Variants in ATXN7 observed in about 807,000 individuals in gnomAD.
ATXN7 encodes ataxin 7.
ATXN7 carries 12 observed loss-of-function variants against 70.5 expected under a neutral mutation model. The observed-to-expected ratio is 0.17, with a 90% CI of 0.11 to 0.28. The LOEUF is 0.28. Among genes scored for constraint, ATXN7 ranks in the 10% least tolerant of loss-of-function variants. ATXN7 has a pLI of 1.00. For synonymous variants in ATXN7, 498 were observed against 448.7 expected, an observed-to-expected ratio of 1.11 and a Z score of -1.39; for missense variants, 1,256 against 1,131.7, an observed-to-expected ratio of 1.11 and a Z score of -1.58.
In ATXN7 at chr3:63,995,744, T is replaced by G. The variant is rs747906719; in HGVS notation, c.1922T>G (p.Met641Arg). 6.2e-7 allele frequency: 1 copy of G among 1,614,264 alleles called. No individual in the cohort carries two copies. The highest frequency in any genetic ancestry group is 1.7e-5 in the Admixed American group (1 of 60,030). The change falls in exon 12 of 13, where the codon ATG becomes AGG. Residue 641 changes from methionine (M) to arginine (R), a missense_variant. By Grantham distance (91) the Met-to-Arg change is moderately conservative. Transcript: ENST00000674280. The part of the protein sequence containing the change: ...ASGAMDPVCS[M>R]QSRQVSSSSS... ...GGGGCGATGGATCCTGTGTGCAGTA[T>G]GCAATCCAGACAAGTGTCCTCTTCA...
chr3:63,965,407 GCCT>G (rs1041097295), intron 5 of ATXN7, among the ~76,000 whole-genome samples: 1 of 152,116 alleles, frequency 6.6e-6, no homozygotes, highest in Admixed American at 6.5e-5. Context: ...GTTCCTCCTA[GCCT>G]CCTGCAAGTT....
intron 1 of ATXN7, among the ~76,000 whole-genome samples, chr3:63,888,247 T>C (rs1407270894): frequency 6.6e-6 from 1 of 152,184 alleles, no homozygotes; most frequent in Non-Finnish European, 1.5e-5. Context: ...GTTTTGGCTA[T>C]TTTTTAACTT....
intron 4 of ATXN7, among the ~76,000 whole-genome samples, chr3:63,929,316 A>C (rs1704844643): frequency 7.4e-6 from 1 of 135,756 alleles, no homozygotes; most frequent in Admixed American, 8.3e-5. Context: ...CTCTGTTGCC[A>C]GGCTGGAGTG....
intron 1 of ATXN7, among the ~76,000 whole-genome samples, chr3:63,880,238 A>G (rs1702871942): frequency 6.6e-6 from 1 of 152,178 alleles, no homozygotes; most frequent in African/African-American, 2.4e-5. Context: ...ACCTATAATA[A>G]TTGGTGCTTT....
At chr3:63,869,777 A>G (rs1022281794) in intron 1 of ATXN7, among the ~76,000 whole-genome samples, 2 of 152,118 alleles carry the variant, frequency 1.3e-5, no homozygotes, top group Non-Finnish European at 2.9e-5. Context: ...CCTTATTCCC[A>G]CTTAGACCTT....
chr3:63,867,954 A>G (rs2107192297), intron 1 of ATXN7, among the ~76,000 whole-genome samples: 1 of 152,332 alleles, frequency 6.6e-6, no homozygotes, highest in East Asian at 1.9e-4. Context: ...AAGCACTTCC[A>G]TTTTATTCCC....
At chr3:63,941,455 A>G (rs892874838) in intron 4 of ATXN7, among the ~76,000 whole-genome samples, 1 of 152,180 alleles carries the variant, frequency 6.6e-6, no homozygotes, top group Non-Finnish European at 1.5e-5. Context: ...TGCTCCTAGA[A>G]TCTAACTAAT....
intron 4 of ATXN7, among the ~76,000 whole-genome samples, chr3:63,930,530 CA>C (rs1203960875): frequency 1.4e-4 from 19 of 132,586 alleles, no homozygotes; most frequent in African/African-American, 6.0e-4. Flanking sequence ...CCAGAGTTTA[CA>C]ATTTTTTTTT....
intron 1 of ATXN7, among the ~76,000 whole-genome samples, chr3:63,874,473 G>A (rs1324391966): frequency 6.6e-6 from 1 of 152,218 alleles, no homozygotes; most frequent in African/African-American, 2.4e-5. Flanking sequence ...TGCATATACA[G>A]TGTGATTTTA....
intron 4 of ATXN7, among the ~76,000 whole-genome samples, chr3:63,937,819 A>G (rs995260555): frequency 6.6e-6 from 1 of 152,280 alleles, no homozygotes; most frequent in Non-Finnish European, 1.5e-5. Flanking sequence ...GATCTTGGGC[A>G]AGTTACTTAA....
In ATXN7 at chr3:63,875,303, G is replaced by A. The variant is rs559369113; in HGVS notation, c.-111+11145G>A. ...GACAGGGTCTTGCTATGTTGCCCATGCTGGTCTTGAACTCCTGAGCTCAAG... is the reference window on the plus strand; with the variant it reads ...GACAGGGTCTTGCTATGTTGCCCATACTGGTCTTGAACTCCTGAGCTCAAG... On this transcript the variant is annotated intron_variant, in intron 1 of 12. Transcript: ENST00000674280. Among the ~76,000 whole-genome samples the A allele has an allele frequency of 1.4e-4, 22 of 152,126 alleles. No homozygotes were observed. The South Asian group carries it at 4.2e-3, about 29-fold the overall frequency.
In ATXN7 at chr3:63,999,796, A is replaced by C. The variant is rs1039045588; in HGVS notation, c.*329A>C. 6.3e-6 allele frequency: 3 copies of C among 475,942 alleles called. No homozygotes were observed. Among genetic ancestry groups the C allele is most frequent in the African/African-American group, 1.9e-5 (1 of 51,490 alleles). The allele number at this position is 475,942 out of a possible 1,614,324, so 29.5% of individuals were successfully genotyped here. A position where few individuals can be genotyped will look rare whatever the true frequency, so the allele number is the denominator to read the frequency against. On this transcript the variant is annotated 3_prime_UTR_variant, in exon 13 of 13. Transcript: ENST00000674280. ...TTAACTTGCAGTATATCACAGAGCC[A>C]CTCTTCAAGTAGATTGGCTGGGCAA...
At chr3:63,864,405 C>G (rs545785384) in intron 1 of ATXN7, 2 of 152,080 alleles carry the variant, frequency 1.3e-5, no homozygotes, top group African/African-American at 2.4e-5. Flanking sequence ...TGGGGGTCCC[C>G]GCGAAGTTGG....
Position 63,902,948 on chromosome 3 carries a change from A to T in ATXN7, c.-12+4451A>T, listed in dbSNP as rs144675036. On this transcript the variant is annotated intron_variant, in intron 2 of 12. Transcript: ENST00000674280. ...AAACATTATATAAATATATATGCTA[A>T]TAAAAAGTTCCTTTAAGTTTAAAGA... Among the ~76,000 whole-genome samples the T allele has an allele frequency of 2.0e-3, 300 of 152,316 alleles. 1 individual carries two copies. Among genetic ancestry groups the T allele is most frequent in the African/African-American group, 6.9e-3 (286 of 41,566 alleles).
chr3:63,962,431 G>C (rs1421046242), intron 5 of ATXN7, among the ~76,000 whole-genome samples: 1 of 151,882 alleles, frequency 6.6e-6, no homozygotes, highest in Non-Finnish European at 1.5e-5. Flanking sequence ...TTGAGACAGA[G>C]TCCCACTGTC....
chr3:63,863,732 G>A (rs1371985152), upstream of ATXN7: 3 of 1,249,362 alleles, frequency 2.4e-6, no homozygotes, highest in African/African-American at 4.7e-5. Flanking sequence ...GGCCCAGCGG[G>A]CCGTGCAGCG....
chr3:63,981,537 C>G (rs752958344), intron 6 of ATXN7, among the ~76,000 whole-genome samples: 1 of 152,192 alleles, frequency 6.6e-6, no homozygotes, highest in Non-Finnish European at 1.5e-5. Context: ...CAGTAAGATT[C>G]CAAGATTCAT....
intron 8 of ATXN7, among the ~76,000 whole-genome samples, chr3:63,987,169 T>A (rs1372347404): frequency 2.0e-5 from 3 of 152,210 alleles, no homozygotes; most frequent in Admixed American, 2.0e-4. Flanking sequence ...GTATTAGGCT[T>A]ATTTGTTTTG....
rs761217274 is a variant in ATXN7 at position 63,990,248 on chromosome 3, C to A, written c.1434C>A (p.His478Gln). The A allele has an allele frequency of 1.2e-6, 2 of 1,614,058 alleles. No individual in the cohort carries two copies. Among genetic ancestry groups the A allele is most frequent in the South Asian group, 2.2e-5 (2 of 91,074 alleles). ...CTCCTCCAGTCCATGAATCTCCACA[C>A]CCTCCCCTGCCTGCCACTGAGCCAG... Reference protein sequence around the residue: ...IDPPPVHESPHPPLPATEPAS... With the variant: ...IDPPPVHESPQPPLPATEPAS... The change falls in exon 10 of 13, where the codon CAC (histidine) becomes CAA (glutamine). Residue 478 changes from histidine (H) to glutamine (Q), a missense_variant. By Grantham distance (24) the His-to-Gln change is conservative. Coordinates refer to ENST00000674280, the MANE Select transcript of ATXN7 (RefSeq NM_001377405.1).
Sources: allele counts gnomAD v4.1 joint callset (sites outside exome capture counted in the v4.1 genomes callset), GRCh38; gene constraint gnomAD v4.1.1; transcripts MANE v1.5; gene names NCBI Gene and HGNC (gene_info 2026-07-23, HGNC 2026-07-21).